Variants in CYC1 observed in about 807,000 individuals in gnomAD.
CYC1 encodes the protein cytochrome c1, heme protein, mitochondrial.
A neutral mutation model predicts 33.8 loss-of-function variants in CYC1; 10 were observed. The observed-to-expected ratio is 0.30, with a 90% CI of 0.18 to 0.50. The LOEUF is 0.50. Ranked by LOEUF, CYC1 falls within the 20% of genes least tolerant of loss-of-function variation. The probability of loss-of-function intolerance (pLI) is 0.98; values close to 1 mark genes in which losing one functional copy is unlikely to be tolerated. For synonymous variants in CYC1, 224 were observed against 181.9 expected (o/e 1.23, Z -1.86); for missense variants, 459 against 437.6 (o/e 1.05, Z -0.44).
Position 144,096,554 on chromosome 8 carries a change from G to A in CYC1, c.612-30G>A, listed in dbSNP as rs748300153. ...ATGGGGGAAGGGCTGACTTGTGCTT[G>A]GAACTAAGGAGCCATGGATCTGGTC... On this transcript the variant is annotated intron_variant, in intron 4 of 6. Coordinates refer to ENST00000318911, the MANE Select transcript of CYC1 (RefSeq NM_001916.5). 1.9e-6 allele frequency: 3 copies of A among 1,613,984 alleles called. No individual in the cohort carries two copies. In the Admixed American group the frequency reaches 5.0e-5, roughly 27 times the overall value.
chr8:144,096,925 T>G, intron 5 of CYC1, 109 bp from the exon 6 acceptor site: 2 of 1,184,282 alleles, frequency 1.7e-6, no homozygotes, highest in South Asian at 1.3e-5. Context: ...TGGAGGGTAC[T>G]GCCCCTTTGA....
At chr8:144,096,290 C>T (rs1418404489) in intron 3 of CYC1, 40 bp downstream of exon 3, 15 of 1,613,246 alleles carry the variant, frequency 9.3e-6, no homozygotes, top group Non-Finnish European at 1.2e-5. Context: ...GGGCTCAGGG[C>T]TCCCACTGTT....
In CYC1 at chr8:144,097,101, A is replaced by C; in HGVS notation, c.840A>C (p.Pro280=). 2 of 1,612,198 alleles carry C rather than the reference A, an allele frequency of 1.2e-6. No homozygotes were observed. Among genetic ancestry groups the C allele is most frequent in the Middle Eastern group, 1.7e-4 (1 of 6,056 alleles). Residue 280 remains proline, a synonymous_variant, in exon 6 of 7, where the codon CCA becomes CCC. Coordinates refer to ENST00000318911, the MANE Select transcript of CYC1 (RefSeq NM_001916.5). The part of the protein sequence containing the change: ...VCTFLRWASE[P]EHDHRKRMGL... Reference sequence around the variant, plus strand: ...CCTTCCTGCGCTGGGCATCTGAGCCAGAGCACGACCATCGAAAACGCATGG... The same window carrying C: ...CCTTCCTGCGCTGGGCATCTGAGCCCGAGCACGACCATCGAAAACGCATGG...
intron 5 of CYC1, 90 bp from the exon 6 acceptor site, chr8:144,096,944 G>A (rs895301616): frequency 4.8e-6 from 6 of 1,260,848 alleles, no homozygotes; most frequent in Non-Finnish European, 6.8e-6. Flanking sequence ...GATGCCTTGG[G>A]TAGGGGCAGT....
intron 5 of CYC1, 111 bp downstream of exon 5, chr8:144,096,855 G>A (rs1414274131): frequency 3.7e-6 from 5 of 1,348,722 alleles, no homozygotes; most frequent in Non-Finnish European, 5.2e-6. Flanking sequence ...TCTTGTCTGG[G>A]GCGTCTTCTG....
In CYC1 at chr8:144,095,119, C is replaced by G. The variant is rs1444354171; in HGVS notation, c.20C>G (p.Ser7Trp). 8.3e-7 allele frequency: 1 copy of G among 1,210,584 alleles called. No homozygotes were observed. Among genetic ancestry groups the G allele is most frequent in the East Asian group, 3.4e-5 (1 of 29,460 alleles). 75.0% of individuals were successfully genotyped at this position (1,210,584 alleles called of 1,614,324 possible). The change falls in exon 1 of 7, where the codon TCG (serine) becomes TGG (tryptophan). Residue 7 changes from serine (S) to tryptophan (W), a missense_variant. Coordinates refer to ENST00000318911, the MANE Select transcript of CYC1 (RefSeq NM_001916.5). MAAAAA[S>W]LRGVVLGPRG... Reference sequence around the variant, plus strand: ...GCCAAGATGGCGGCAGCTGCGGCTTCGCTTCGCGGGGTAGTGTTGGGCCCG... The same window carrying G: ...GCCAAGATGGCGGCAGCTGCGGCTTGGCTTCGCGGGGTAGTGTTGGGCCCG...
Position 144,096,024 on chromosome 8 carries a change from C to A in CYC1, c.321C>A (p.His107Gln). 1 of 1,602,494 alleles carries A rather than the reference C, an allele frequency of 6.2e-7. No homozygotes were observed. The highest frequency in any genetic ancestry group is 1.7e-5 in the Admixed American group (1 of 59,666). Residue 107 changes from histidine (H) to glutamine (Q), a missense_variant, in exon 2 of 7, where the codon CAC (histidine) becomes CAA (glutamine). Coordinates refer to ENST00000318911, the MANE Select transcript of CYC1 (RefSeq NM_001916.5). ...SHRGLLSSLD[H>Q]TSIRRGFQVY... ...GTGGCCTCCTCTCTTCCTTGGACCA[C>A]ACCAGGTGTGCAGCTGGCTGGCTGG...
rs150611728 is a variant in CYC1 at position 144,097,323 on chromosome 8, G to A, written c.965G>A (p.Arg322Gln). The A allele has an allele frequency of 1.5e-5, 25 of 1,613,824 alleles. No individual in the cohort carries two copies. Among genetic ancestry groups the A allele is most frequent in the Non-Finnish European group, 2.0e-5 (24 of 1,179,966 alleles). Reference sequence around the variant, plus strand: ...CTGAAGAGTCGGAAGCTGGCATATCGGCCGCCCAAGTGACCCTGTCCAGTG... The same window carrying A: ...CTGAAGAGTCGGAAGCTGGCATATCAGCCGCCCAAGTGACCCTGTCCAGTG... The part of the protein sequence containing the change: ...SVLKSRKLAY[R>Q]PPK The change falls in exon 7 of 7, where the codon CGG becomes CAG. Residue 322 changes from arginine to glutamine, a missense_variant. By Grantham distance (43) the Arg-to-Gln change is conservative (BLOSUM62 1). Coordinates refer to ENST00000318911, the MANE Select transcript of CYC1 (RefSeq NM_001916.5).
chr8:144,097,191 G>C (rs1340804145), intron 6 of CYC1, 41 bp from the exon 7 acceptor site: 1 of 1,609,240 alleles, frequency 6.2e-7, no homozygotes, highest in Admixed American at 1.7e-5. Flanking sequence ...GCTGGGCAGG[G>C]CTCCTCCCCA....
intron 2 of CYC1, 22 bp downstream of exon 2, chr8:144,096,051 T>A (rs889103478): frequency 2.5e-6 from 4 of 1,599,504 alleles, no homozygotes; most frequent in African/African-American, 2.7e-5. Flanking sequence ...GCTGGCTGGC[T>A]GGCAGCGGGA....
intron 1 of CYC1, chr8:144,095,622 C>T (rs1272954468): frequency 1.5e-5 from 9 of 600,486 alleles, no homozygotes; most frequent in Non-Finnish European, 2.6e-5. Flanking sequence ...GGTCTGATCC[C>T]CGGCTCAGGA....
intron 5 of CYC1, 54 bp downstream of exon 5, chr8:144,096,798 C>A: frequency 7.1e-7 from 1 of 1,399,174 alleles, no homozygotes; most frequent in African/African-American, 1.4e-5. Flanking sequence ...CCACTACCCC[C>A]AGGGATGCTT....
chr8:144,095,144 G>A lies in CYC1; in HGVS notation c.45G>A (p.Pro15=), dbSNP rs1234996220. The change falls in exon 1 of 7, where the codon CCG becomes CCA. Residue 15 remains proline, a synonymous_variant. Coordinates refer to ENST00000318911, the MANE Select transcript of CYC1 (RefSeq NM_001916.5). ...CGCTTCGCGGGGTAGTGTTGGGCCC[G>A]CGGGGCGCGGGGCTCCCGGGCGCGC... ...AASLRGVVLG[P]RGAGLPGARA... 4 of 1,210,332 alleles carry A rather than the reference G, an allele frequency of 3.3e-6. No individual in the cohort carries two copies. In the African/African-American group the frequency reaches 4.7e-5, roughly 14 times the overall value. 75.0% of individuals were successfully genotyped at this position (1,210,332 alleles called of 1,614,324 possible).
chr8:144,096,060 G>A (rs775097630), intron 2 of CYC1, 31 bp downstream of exon 2: 2 of 1,600,950 alleles, frequency 1.2e-6, no homozygotes, highest in Non-Finnish European at 1.7e-6. Context: ...CTGGCAGCGG[G>A]AGGTTCTGGG....
Position 144,095,739 on chromosome 8 carries a change from A to C in CYC1, c.130-94A>C, listed in dbSNP as rs1053657992. The C allele has an allele frequency of 3.2e-5, 43 of 1,325,332 alleles. 1 individual carries two copies. In the Admixed American group the frequency reaches 3.7e-4, roughly 11 times the overall value. The allele number at this position is 1,325,332 out of a possible 1,614,324, so 82.1% of individuals were successfully genotyped here. On this transcript the variant is annotated intron_variant, in intron 1 of 6. Coordinates refer to ENST00000318911, the MANE Select transcript of CYC1 (RefSeq NM_001916.5). ...TGTGCGTCTGGTGCCCTGCAGGAGGAGGCCATTGCTGGGTGGAGAGGTGGG... is the reference window on the plus strand; with the variant it reads ...TGTGCGTCTGGTGCCCTGCAGGAGGCGGCCATTGCTGGGTGGAGAGGTGGG...
In CYC1 at chr8:144,096,328, C is replaced by T. The variant is rs191769818; in HGVS notation, c.454-9C>T. On this transcript the variant is annotated splice_polypyrimidine_tract_variant and intron_variant, in intron 3 of 6. Coordinates refer to ENST00000318911, the MANE Select transcript of CYC1 (RefSeq NM_001916.5). ...GATGGCAGGGTTGTGATGAGGCTCT[C>T]GGTGGCAGGTGGAGGTTCAAGACGG... 1.7e-3 allele frequency: 2,672 copies of T among 1,613,730 alleles called. 10 individuals carry two copies. Among genetic ancestry groups the T allele is most frequent in the Non-Finnish European group, 2.0e-3 (2,370 of 1,179,910 alleles).
rs976625911 is a variant in CYC1 at position 144,095,086 on chromosome 8, C to A, written c.-14C>A. On this transcript the variant is annotated 5_prime_UTR_variant, in exon 1 of 7. Transcript: ENST00000318911. ...GGGGCCGACGGGAGTGGCGGCCGCG[C>A]GGAGGAGGCCAAGATGGCGGCAGCT... 1.7e-6 allele frequency: 2 copies of A among 1,206,278 alleles called. No homozygotes were observed. The highest frequency in any genetic ancestry group is 3.2e-5 in the African/African-American group (2 of 63,294). The allele number at this position is 1,206,278 out of a possible 1,614,324, so 74.7% of individuals were successfully genotyped here. A position where few individuals can be genotyped will look rare whatever the true frequency, so the allele number is the denominator to read the frequency against.
Position 144,096,513 on chromosome 8 carries a change from G to A in CYC1, c.611+19G>A, listed in dbSNP as rs1413101154. The A allele has an allele frequency of 1.9e-6, 3 of 1,614,134 alleles. No individual in the cohort carries two copies. In the South Asian group the frequency reaches 3.3e-5, roughly 18 times the overall value. ...GAGCTAGGTACACGGGCTGCCCATG[G>A]GGTGGTGCTGGAGAGATGGGGGAAG... On this transcript the variant is annotated intron_variant, in intron 4 of 6. Coordinates refer to ENST00000318911, the MANE Select transcript of CYC1 (RefSeq NM_001916.5).
intron 5 of CYC1, 135 bp downstream of exon 5, chr8:144,096,879 A>C (rs955276992): frequency 2.4e-6 from 3 of 1,233,392 alleles, no homozygotes; most frequent in Non-Finnish European, 2.3e-6. Context: ...ATGTCTCAGG[A>C]GGCTTTTGGG....
Sources: gnomAD v4.1 joint callset for allele counts on GRCh38, gnomAD v4.1.1 for gene constraint, MANE v1.5 for transcripts, NCBI Gene and HGNC (gene_info 2026-07-23, HGNC 2026-07-21) for gene names.